The following WWOX variants were observed in gnomAD, a reference collection of about 807,000 sequenced individuals.
WWOX encodes the protein WW domain-containing oxidoreductase.
In WWOX, 69 loss-of-function variants were observed where a neutral mutation model predicts 46.2. That is an observed-to-expected ratio of 1.49 (90% CI 1.23 to 1.82). The LOEUF (loss-of-function observed/expected upper bound fraction) is 1.82, where lower values mean the gene tolerates loss of function less well. Among genes scored for constraint, WWOX ranks in the 40% most tolerant of loss-of-function variants. The pLI, the probability that WWOX is intolerant of heterozygous loss-of-function variation, is 0.00. For missense variants in WWOX, 919 were observed against 542.6 expected (o/e 1.69, Z -6.89); for synonymous variants, 359 against 202.6 (o/e 1.77, Z -6.56).
intron 8 of WWOX, among the ~76,000 whole-genome samples, chr16:78,746,208 T>C (rs1036621501): frequency 6.6e-6 from 1 of 152,200 alleles, no homozygotes; most frequent in African/African-American, 2.4e-5. Context: ...GGGTCTAAAG[T>C]ACAACAGGAC....
chr16:79,006,260 AC>A (rs1341300600), intron 8 of WWOX, among the ~76,000 whole-genome samples: 1 of 152,046 alleles, frequency 6.6e-6, no homozygotes, highest in Non-Finnish European at 1.5e-5. Context: ...CAAAGAGGAG[AC>A]CTGTCCTGGG....
At chr16:78,428,521 T>G (rs1567567904) in intron 7 of WWOX, among the ~76,000 whole-genome samples, 1 of 152,224 alleles carries the variant, frequency 6.6e-6, no homozygotes, top group Non-Finnish European at 1.5e-5. Flanking sequence ...CAGCTGGTAC[T>G]TCTCCATCTT....
At chr16:79,202,326 A>C (rs1818170313) in intron 8 of WWOX, among the ~76,000 whole-genome samples, 1 of 152,166 alleles carries the variant, frequency 6.6e-6, no homozygotes, top group South Asian at 2.1e-4. Context: ...TATTGTTGAG[A>C]TGGGAATGAC....
intron 8 of WWOX, among the ~76,000 whole-genome samples, chr16:78,449,601 C>T (rs1298332917): frequency 1.3e-5 from 2 of 152,120 alleles, no homozygotes; most frequent in African/African-American, 4.8e-5. Context: ...CTGTTTGCAT[C>T]CTTTCGTCAT....
intron 8 of WWOX, among the ~76,000 whole-genome samples, chr16:79,207,185 G>A (rs1245542084): frequency 3.9e-5 from 6 of 152,216 alleles, no homozygotes; most frequent in Non-Finnish European, 8.8e-5. Flanking sequence ...GATAAATGTA[G>A]CTCTCTGATA....
chr16:79,031,017 G>A (rs1048778664), intron 8 of WWOX, among the ~76,000 whole-genome samples: 1 of 151,674 alleles, frequency 6.6e-6, no homozygotes, highest in African/African-American at 2.4e-5. Flanking sequence ...ACCCGAGGCT[G>A]GGGAGGTTGA....
At chr16:79,125,418 G>C (rs565530302) in intron 8 of WWOX, among the ~76,000 whole-genome samples, 2 of 152,332 alleles carry the variant, frequency 1.3e-5, no homozygotes, top group South Asian at 2.1e-4. Context: ...CCTTTGAAGA[G>C]AGTGCATTAT....
At chr16:78,795,167 T>G (rs982612521) in intron 8 of WWOX, among the ~76,000 whole-genome samples, 3 of 152,098 alleles carry the variant, frequency 2.0e-5, no homozygotes, top group African/African-American at 4.8e-5. Flanking sequence ...ATTTATAGAG[T>G]GTTCAAAAGG....
At position 78,806,467 on chromosome 16, in the gene WWOX, G is replaced by A. The variant is rs74452135; in HGVS notation, c.1056+373715G>A. ...TGTCTCTGCTCCAGCATCAGCTGAA[G>A]CAGCTTGAAAGCCAGGGTCTGAGAT... On this transcript the variant is annotated intron_variant, in intron 8 of 8. Coordinates refer to ENST00000566780, the MANE Select transcript of WWOX (RefSeq NM_016373.4). 2.1e-3 allele frequency among the ~76,000 whole-genome samples: 314 copies of A among 152,308 alleles called. 1 individual carries two copies. The highest frequency in any genetic ancestry group is 3.4e-3 in the Non-Finnish European group (229 of 68,022).
At chr16:78,531,873 A>G (rs767615802) in intron 8 of WWOX, among the ~76,000 whole-genome samples, 1 of 152,158 alleles carries the variant, frequency 6.6e-6, no homozygotes, top group Non-Finnish European at 1.5e-5. Flanking sequence ...AAACAAACAA[A>G]TAAATAAATA....
At chr16:78,364,684 T>A (rs2081493613) in intron 5 of WWOX, among the ~76,000 whole-genome samples, 1 of 152,010 alleles carries the variant, frequency 6.6e-6, no homozygotes, top group South Asian at 2.1e-4. Context: ...GAACATAATT[T>A]GTCACTTTGT....
At chr16:78,242,737 G>C (rs1000028583) in intron 5 of WWOX, among the ~76,000 whole-genome samples, 3 of 152,218 alleles carry the variant, frequency 2.0e-5, no homozygotes, top group African/African-American at 2.4e-5. Context: ...GCCGGGCACA[G>C]TGGCTCACGC....
chr16:78,756,647 A>T (rs1474129818), intron 8 of WWOX, among the ~76,000 whole-genome samples: 2 of 152,086 alleles, frequency 1.3e-5, no homozygotes, highest in African/African-American at 4.8e-5. Flanking sequence ...GCATTTTTAC[A>T]CTCCTTTGTT....
At chr16:78,566,523 G>T (rs374562646) in intron 8 of WWOX, among the ~76,000 whole-genome samples, 1 of 152,154 alleles carries the variant, frequency 6.6e-6, no homozygotes, top group Non-Finnish European at 1.5e-5. Flanking sequence ...TCCATGTGAG[G>T]CACAGGATGG....
intron 5 of WWOX, among the ~76,000 whole-genome samples, chr16:78,289,555 G>C (rs897076926): frequency 7.9e-5 from 12 of 152,296 alleles, no homozygotes; most frequent in African/African-American, 2.9e-4. Flanking sequence ...CCAACAATCG[G>C]TTCCGCTGTC....
intron 8 of WWOX, among the ~76,000 whole-genome samples, chr16:78,726,139 TTCTCTTTC>T (rs912670643): frequency 4.3e-5 from 5 of 115,032 alleles, no homozygotes; most frequent in Admixed American, 9.6e-5. Flanking sequence ...CTCTCTCTTT[TTCTCTTTC>T]TCTCTTTCTC....
At chr16:78,723,867 G>C (rs779066848) in intron 8 of WWOX, among the ~76,000 whole-genome samples, 2 of 151,978 alleles carry the variant, frequency 1.3e-5, no homozygotes, top group Non-Finnish European at 2.9e-5. Flanking sequence ...CATTTAATCT[G>C]TAAAAAATGA....
intron 8 of WWOX, among the ~76,000 whole-genome samples, chr16:78,544,651 T>G (rs1003817635): frequency 6.6e-6 from 1 of 152,130 alleles, no homozygotes; most frequent in African/African-American, 2.4e-5. Context: ...TTTGAGAGGA[T>G]AACTTGAGTC....
At chr16:78,803,615 G>A (rs1567571395) in intron 8 of WWOX, among the ~76,000 whole-genome samples, 1 of 151,958 alleles carries the variant, frequency 6.6e-6, no homozygotes, top group African/African-American at 2.4e-5. Context: ...ACCTGGACAT[G>A]TTTTTAACTT....
Sources: gnomAD v4.1 joint callset for allele counts (sites outside exome capture counted in the v4.1 genomes callset) on GRCh38, gnomAD v4.1.1 for gene constraint, MANE v1.5 for transcripts, NCBI Gene and HGNC (gene_info 2026-07-23, HGNC 2026-07-21) for gene names.